STK39: variants seen among roughly 807,000 people sequenced by gnomAD.
STK39 encodes the protein STE20/SPS1-related proline-alanine-rich protein kinase.
Under a neutral mutation model 77.8 loss-of-function variants are expected in STK39, and 20 were observed. The ratio of observed to expected loss-of-function variants is 0.26; its 90% CI spans 0.18 to 0.37. The LOEUF (loss-of-function observed/expected upper bound fraction) is 0.37, where lower values mean the gene tolerates loss of function less well. Ranked by LOEUF, STK39 falls within the 10% of genes least tolerant of loss-of-function variation. The pLI is 1.00. For missense variants in STK39, 479 were observed against 656.5 expected (o/e 0.73, Z 2.95); for synonymous variants, 246 against 234.1 (o/e 1.05, Z -0.47).
intron 10 of STK39, among the ~76,000 whole-genome samples, chr2:168,090,628 G>A (rs1003826874): frequency 4.6e-5 from 7 of 152,144 alleles, no homozygotes; most frequent in African/African-American, 9.7e-5. Context: ...AACAGGTACC[G>A]TAGAAATATT....
intron 5 of STK39, among the ~76,000 whole-genome samples, chr2:168,149,494 G>A (rs1390465646): frequency 6.6e-6 from 1 of 152,362 alleles, no homozygotes; most frequent in Admixed American, 6.5e-5. Flanking sequence ...TTCTTGCTAC[G>A]TGAGATAATT....
intron 1 of STK39, among the ~76,000 whole-genome samples, chr2:168,245,354 G>A (rs1024718148): frequency 1.2e-4 from 18 of 152,290 alleles, no homozygotes; most frequent in Admixed American, 9.1e-4. Flanking sequence ...TAACAACTTA[G>A]GGCAGGGATC....
chr2:168,142,496 TG>T (rs1340577331), intron 5 of STK39, among the ~76,000 whole-genome samples: 1 of 152,194 alleles, frequency 6.6e-6, no homozygotes, highest in Non-Finnish European at 1.5e-5. Context: ...GAAGCAACTC[TG>T]CACCCTAAAG....
At chr2:168,161,948 A>G (rs1559127082) in intron 4 of STK39, 106 bp from the exon 5 acceptor site, 1 of 727,336 alleles carries the variant, frequency 1.4e-6, no homozygotes, top group East Asian at 3.0e-5. Flanking sequence ...GCTCTTTGAC[A>G]TAATAATTTC....
rs145800358 is a variant in STK39, at chr2:168,240,791, TCAGA to T, written c.208+6433_208+6436del. Among the ~76,000 whole-genome samples, 202 of 152,328 alleles carry T rather than the reference TCAGA, an allele frequency of 1.3e-3. 1 individual carries two copies. The highest frequency in any genetic ancestry group is 4.6e-3 in the African/African-American group (192 of 41,580). ...AGCATTTGATGTGGTAATTGAAGCT[TCAGA>T]CAGACAGAGATGTGGATCTGGGGCA... On this transcript the variant is annotated intron_variant, in intron 1 of 17. Coordinates refer to ENST00000355999, the MANE Select transcript of STK39 (RefSeq NM_013233.3).
intron 14 of STK39, among the ~76,000 whole-genome samples, chr2:168,046,041 A>C (rs1458151115): frequency 2.6e-5 from 4 of 152,148 alleles, no homozygotes; most frequent in Non-Finnish European, 5.9e-5. Context: ...ATATCGATCA[A>C]CCCTACCCCT....
At chr2:168,069,119 T>C (rs1233241467) in intron 12 of STK39, among the ~76,000 whole-genome samples, 2 of 152,126 alleles carry the variant, frequency 1.3e-5, no homozygotes, top group South Asian at 2.1e-4. Flanking sequence ...GGTTTCACCA[T>C]GTTGGCCAGG....
chr2:168,057,123 A>G lies in STK39; in HGVS notation c.1376+6377T>C, dbSNP rs143878183. Among the ~76,000 whole-genome samples the G allele has an allele frequency of 2.2e-3, 341 of 152,308 alleles. 4 individuals carry two copies. Among genetic ancestry groups the G allele is most frequent in the African/African-American group, 7.9e-3 (328 of 41,584 alleles). On this transcript the variant is annotated intron_variant, in intron 14 of 17. Coordinates refer to ENST00000355999, the MANE Select transcript of STK39 (RefSeq NM_013233.3). ...GCAATTCTATGACTCATATTTATTT[A>G]TGACTTAAACAGTGTTTCTAAGATG...
intron 16 of STK39, among the ~76,000 whole-genome samples, chr2:168,011,520 T>C (rs1054151709): frequency 2.0e-5 from 3 of 152,136 alleles, no homozygotes; most frequent in Admixed American, 1.3e-4. Flanking sequence ...CAGTAATACA[T>C]CATAAAATCT....
chr2:168,008,448 G>T (rs1176427767), intron 16 of STK39, among the ~76,000 whole-genome samples: 1 of 152,192 alleles, frequency 6.6e-6, no homozygotes, highest in African/African-American at 2.4e-5. Flanking sequence ...AAGATTCCTG[G>T]AGGGGCAGGC....
At chr2:168,055,691 C>A (rs193190394) in intron 14 of STK39, among the ~76,000 whole-genome samples, 37 of 152,332 alleles carry the variant, frequency 2.4e-4, no homozygotes, top group African/African-American at 8.2e-4. Context: ...TGAACAGCAT[C>A]TAATACAAAG....
chr2:168,019,286 TGAGA>T (rs1034000597), intron 14 of STK39, among the ~76,000 whole-genome samples: 2 of 152,190 alleles, frequency 1.3e-5, no homozygotes, highest in African/African-American at 2.4e-5. Flanking sequence ...TAAAATATTC[TGAGA>T]GAGAGAGACC....
At chr2:168,084,593 A>G (rs968832412) in intron 10 of STK39, among the ~76,000 whole-genome samples, 2 of 152,242 alleles carry the variant, frequency 1.3e-5, no homozygotes, top group African/African-American at 2.4e-5. Flanking sequence ...TGACATCTAC[A>G]GTAAAGTGGG....
At chr2:168,236,092 T>C (rs1416631282) in intron 1 of STK39, among the ~76,000 whole-genome samples, 1 of 151,940 alleles carries the variant, frequency 6.6e-6, no homozygotes, top group Non-Finnish European at 1.5e-5. Context: ...GTGTTCCTAT[T>C]TCTCCACATC....
intron 10 of STK39, among the ~76,000 whole-genome samples, chr2:168,106,329 C>G (rs1273196513): frequency 6.6e-6 from 1 of 152,070 alleles, no homozygotes; most frequent in Non-Finnish European, 1.5e-5. Context: ...TGTGATGATT[C>G]AATGAAAAGA....
chr2:168,040,911 C>T (rs111965895), intron 14 of STK39, among the ~76,000 whole-genome samples: 7 of 152,298 alleles, frequency 4.6e-5, no homozygotes, highest in South Asian at 4.1e-4. Flanking sequence ...CATAAAGTGA[C>T]GTTTCTCTCT....
At chr2:167,994,662 T>C (rs969048484) in intron 16 of STK39, among the ~76,000 whole-genome samples, 11 of 152,228 alleles carry the variant, frequency 7.2e-5, no homozygotes, top group Admixed American at 2.0e-4. Context: ...GATTTAACCA[T>C]TGTGGATATT....
intron 1 of STK39, among the ~76,000 whole-genome samples, chr2:168,222,465 T>C (rs1169530666): frequency 6.6e-6 from 1 of 152,194 alleles, no homozygotes; most frequent in Non-Finnish European, 1.5e-5. Flanking sequence ...TCATATCTTC[T>C]GAGCCTTTTT....
intron 16 of STK39, among the ~76,000 whole-genome samples, chr2:167,976,173 A>G (rs1210028259): frequency 6.6e-6 from 1 of 152,246 alleles, no homozygotes; most frequent in African/African-American, 2.4e-5. Context: ...TCAAATTTAT[A>G]AAAGTGCAAA....
Sources: allele counts gnomAD v4.1 joint callset (sites outside exome capture counted in the v4.1 genomes callset), GRCh38; gene constraint gnomAD v4.1.1; transcripts MANE v1.5; gene names NCBI Gene and HGNC (gene_info 2026-07-23, HGNC 2026-07-21).